The following GFRA1 variants were observed in gnomAD, a reference collection of about 807,000 sequenced individuals.
GFRA1 encodes the protein GDNF family receptor alpha-1.
GFRA1 carries 16 observed loss-of-function variants against 51.6 expected under a neutral mutation model. The observed-to-expected ratio is 0.31, with a 90% CI of 0.21 to 0.47. GFRA1 has a LOEUF of 0.47. Ranked by LOEUF, GFRA1 falls within the 20% of genes least tolerant of loss-of-function variation. The pLI is 1.00. For missense variants in GFRA1, 530 were observed against 594.3 expected (o/e 0.89, Z 1.13); for synonymous variants, 270 against 241.3 (o/e 1.12, Z -1.10).
Position 116,240,678 on chromosome 10 carries a change from C to T in GFRA1, c.418+28825G>A, listed in dbSNP as rs561396865. Reference sequence around the variant, plus strand: ...CATGGCATCACAGTTAACTCTCTAACCCATTCACCCGCCCCTCAACTGCCT... The same window carrying T: ...CATGGCATCACAGTTAACTCTCTAATCCATTCACCCGCCCCTCAACTGCCT... On this transcript the variant is annotated intron_variant, in intron 4 of 10. Coordinates refer to ENST00000355422, the MANE Select transcript of GFRA1 (RefSeq NM_005264.8). Among the ~76,000 whole-genome samples, 5 of 152,278 alleles carry T rather than the reference C, an allele frequency of 3.3e-5. No homozygotes were observed. In the South Asian group the frequency reaches 1.0e-3, roughly 32 times the overall value.
chr10:116,134,141 T>C (rs1177651631), intron 5 of GFRA1, among the ~76,000 whole-genome samples: 4 of 152,210 alleles, frequency 2.6e-5, no homozygotes, highest in African/African-American at 9.6e-5. Flanking sequence ...GCAAGAGATA[T>C]GATTTACGAA....
At chr10:116,251,917 C>T (rs1968399921) in intron 4 of GFRA1, among the ~76,000 whole-genome samples, 1 of 143,870 alleles carries the variant, frequency 7.0e-6, no homozygotes, top group Non-Finnish European at 1.5e-5. Flanking sequence ...TGTCGTCATT[C>T]CATGTTGTAA....
intron 4 of GFRA1, among the ~76,000 whole-genome samples, chr10:116,215,545 C>T (rs1045510415): frequency 2.0e-5 from 3 of 152,182 alleles, no homozygotes; most frequent in African/African-American, 7.2e-5. Flanking sequence ...ATTCTAATAC[C>T]CCTGTCACGG....
At chr10:116,152,785 T>A (rs965661121) in intron 5 of GFRA1, among the ~76,000 whole-genome samples, 5 of 152,244 alleles carry the variant, frequency 3.3e-5, no homozygotes, top group African/African-American at 1.2e-4. Context: ...TTTGTGACCA[T>A]GATCACAAGG....
intron 5 of GFRA1, among the ~76,000 whole-genome samples, chr10:116,206,239 G>A (rs1391067219): frequency 6.6e-6 from 1 of 152,122 alleles, no homozygotes; most frequent in Non-Finnish European, 1.5e-5. Flanking sequence ...CACTCATAAA[G>A]AAAACAATCT....
intron 5 of GFRA1, among the ~76,000 whole-genome samples, chr10:116,202,339 T>C (rs1481757132): frequency 6.6e-6 from 1 of 152,078 alleles, no homozygotes; most frequent in Non-Finnish European, 1.5e-5. Context: ...AGCAGCAGTA[T>C]ATCTATAAGG....
At chr10:116,092,240 G>A (rs953905781) in intron 8 of GFRA1, among the ~76,000 whole-genome samples, 8 of 152,038 alleles carry the variant, frequency 5.3e-5, no homozygotes, top group African/African-American at 1.9e-4. Flanking sequence ...TTGTGGGTGT[G>A]AATTTCACTT....
intron 5 of GFRA1, among the ~76,000 whole-genome samples, chr10:116,199,140 A>G (rs896936246): frequency 6.6e-6 from 1 of 152,140 alleles, no homozygotes; most frequent in African/African-American, 2.4e-5. Flanking sequence ...CAGACTTCCA[A>G]TCTCCAGGAC....
intron 5 of GFRA1, among the ~76,000 whole-genome samples, chr10:116,181,168 T>C (rs1962182191): frequency 1.3e-5 from 2 of 152,232 alleles, no homozygotes; most frequent in South Asian, 4.1e-4. Flanking sequence ...AAGGTGCTTG[T>C]GATATTACTT....
At chr10:116,088,216 A>G in intron 9 of GFRA1, among the ~76,000 whole-genome samples, 1 of 152,204 alleles carries the variant, frequency 6.6e-6, no homozygotes, top group African/African-American at 2.4e-5. Flanking sequence ...TTTCTAGGGA[A>G]TGAAGTGGGT....
intron 5 of GFRA1, among the ~76,000 whole-genome samples, chr10:116,190,556 TCCAC>T (rs1963159929): frequency 6.6e-6 from 1 of 152,126 alleles, no homozygotes; most frequent in Non-Finnish European, 1.5e-5. Context: ...GATCCCACCC[TCCAC>T]TCCATCTCCT....
At position 116,097,118 on chromosome 10, in the gene GFRA1, T is replaced by C. The variant is rs183675382; in HGVS notation, c.771-354A>G. On this transcript the variant is annotated intron_variant, in intron 6 of 10. Transcript: ENST00000355422. ...GACTTATTTGCATCTTTAGGAAATA[T>C]GCTTCTCCACACACTCACCGGAGAT... is the stretch of plus-strand genomic sequence containing the variant. 1.5e-3 allele frequency among the ~76,000 whole-genome samples: 226 copies of C among 151,514 alleles called. 2 individuals carry two copies. The highest frequency in any genetic ancestry group is 5.9e-5 in the Non-Finnish European group (4 of 67,854).
chr10:116,106,543 A>G (rs1957012727), intron 6 of GFRA1, among the ~76,000 whole-genome samples: 1 of 151,564 alleles, frequency 6.6e-6, no homozygotes, highest in Admixed American at 6.6e-5. Flanking sequence ...CTGGGGGCAG[A>G]CTTCTCATGA....
At chr10:116,218,941 C>T (rs551044723) in intron 4 of GFRA1, among the ~76,000 whole-genome samples, 2 of 152,210 alleles carry the variant, frequency 1.3e-5, no homozygotes, top group South Asian at 4.2e-4. Context: ...CAATACTTTG[C>T]CTGTCACTGT....
intron 5 of GFRA1, among the ~76,000 whole-genome samples, chr10:116,141,612 C>T (rs1958571410): frequency 6.6e-6 from 1 of 152,118 alleles, no homozygotes; most frequent in Non-Finnish European, 1.5e-5. Flanking sequence ...GGAGCAGAGT[C>T]TTGCTCTGTC....
At chr10:116,175,071 G>A (rs1192519135) in intron 5 of GFRA1, among the ~76,000 whole-genome samples, 1 of 152,180 alleles carries the variant, frequency 6.6e-6, no homozygotes, top group African/African-American at 2.4e-5. Context: ...TACCCCGTGT[G>A]TTGCGGCTTC....
chr10:116,221,303 A>G (rs888033236), intron 4 of GFRA1, among the ~76,000 whole-genome samples: 2 of 152,188 alleles, frequency 1.3e-5, no homozygotes, highest in Non-Finnish European at 2.9e-5. Flanking sequence ...CCAAACTCTT[A>G]ACCACTTTGC....
chr10:116,143,656 TTCTCTCTC>T (rs3837365), intron 5 of GFRA1, among the ~76,000 whole-genome samples: 1 of 150,122 alleles, frequency 6.7e-6, no homozygotes, highest in Non-Finnish European at 1.5e-5. Flanking sequence ...GTTTCATTCA[TTCTCTCTC>T]TCTCTCTCTC....
intron 5 of GFRA1, among the ~76,000 whole-genome samples, chr10:116,167,865 T>C (rs898874933): frequency 3.3e-5 from 5 of 152,122 alleles, no homozygotes; most frequent in African/African-American, 1.2e-4. Flanking sequence ...TCAGCCTTCA[T>C]GTCAAGTGCA....
Sources: gnomAD v4.1 joint callset for allele counts (sites outside exome capture counted in the v4.1 genomes callset) on GRCh38, gnomAD v4.1.1 for gene constraint, MANE v1.5 for transcripts, NCBI Gene and HGNC (gene_info 2026-07-23, HGNC 2026-07-21) for gene names.